MAN1C1: variants seen among roughly 807,000 people sequenced by gnomAD.
The protein encoded by MAN1C1 is mannosyl-oligosaccharide 1,2-alpha-mannosidase IC.
In MAN1C1, 49 loss-of-function variants were observed where a neutral mutation model predicts 71.5. The observed-to-expected ratio is 0.69, with a 90% CI of 0.54 to 0.87. The LOEUF (loss-of-function observed/expected upper bound fraction) is 0.87, where lower values mean the gene tolerates loss of function less well. MAN1C1 is among the 40% of genes least tolerant of loss of function. The pLI is 0.00. For synonymous variants in MAN1C1, 352 were observed against 343.7 expected (o/e 1.02, Z -0.27); for missense variants, 743 against 835.0 (o/e 0.89, Z 1.36).
At chr1:25,724,847 C>T (rs968826229) in intron 2 of MAN1C1, among the ~76,000 whole-genome samples, 1 of 152,150 alleles carries the variant, frequency 6.6e-6, no homozygotes, top group Non-Finnish European at 1.5e-5. Context: ...AGAAATGCTG[C>T]CCATCTCTAA....
intron 2 of MAN1C1, among the ~76,000 whole-genome samples, chr1:25,734,349 G>A (rs1224362199): frequency 6.6e-6 from 1 of 152,022 alleles, no homozygotes; most frequent in Non-Finnish European, 1.5e-5. Flanking sequence ...GGCTGGTCTC[G>A]AACTCCTGGC....
chr1:25,700,557 A>G (rs2046428281), intron 2 of MAN1C1, among the ~76,000 whole-genome samples: 1 of 152,342 alleles, frequency 6.6e-6, no homozygotes, highest in Non-Finnish European at 1.5e-5. Flanking sequence ...CGGAGAGAAG[A>G]CACAGGCCAT....
chr1:25,635,606 C>A (rs542858433), intron 1 of MAN1C1, among the ~76,000 whole-genome samples: 1 of 151,992 alleles, frequency 6.6e-6, no homozygotes, highest in African/African-American at 2.4e-5. Flanking sequence ...TGTGCCACCA[C>A]GCCTGGCTAA....
rs115966767 is a variant in MAN1C1, at chr1:25,734,245, C to T, written c.638-12423C>T. ...ATGGGTTCAAGCGATTCTCATGCCA[C>T]ACCCTCCTAAGTAGCTAGGACTACA... On this transcript the variant is annotated intron_variant, in intron 2 of 11. Coordinates refer to ENST00000374332, the MANE Select transcript of MAN1C1 (RefSeq NM_020379.4). Among the ~76,000 whole-genome samples the T allele has an allele frequency of 9.6e-3, 1,462 of 152,238 alleles. 16 individuals are homozygous for T. Among genetic ancestry groups the T allele is most frequent in the African/African-American group, 0.032 (1,347 of 41,510 alleles).
intron 1 of MAN1C1, among the ~76,000 whole-genome samples, chr1:25,632,809 A>G (rs1343070534): frequency 6.6e-6 from 1 of 151,056 alleles, no homozygotes; most frequent in African/African-American, 2.4e-5. Flanking sequence ...TTCCTTTTGG[A>G]GTTGATTTCT....
intron 2 of MAN1C1, among the ~76,000 whole-genome samples, chr1:25,703,563 C>A (rs998539971): frequency 6.6e-6 from 1 of 152,158 alleles, no homozygotes; most frequent in South Asian, 2.1e-4. Context: ...TGTCCGTAAT[C>A]CCAGCTACTC....
chr1:25,684,828 G>A (rs560709852), intron 1 of MAN1C1, among the ~76,000 whole-genome samples: 59 of 152,372 alleles, frequency 3.9e-4, no homozygotes, highest in Non-Finnish European at 4.9e-4. Context: ...CTGTCTGGGC[G>A]TGAGGTGAGT....
At position 25,618,344 on chromosome 1, in the gene MAN1C1, A is replaced by G; in HGVS notation, c.540+7A>G. The G allele has an allele frequency of 1.3e-6, 2 of 1,592,232 alleles. No individual in the cohort carries two copies. The highest frequency in any genetic ancestry group is 1.7e-6 in the Non-Finnish European group (2 of 1,172,190). On this transcript the variant is annotated splice_region_variant and intron_variant, in intron 1 of 11. Transcript: ENST00000374332. ...GCGGGAGAAAATCAAGGAGGTATGGACTCAGCCCCCAAACTCCTCCCACCA... is the reference window on the plus strand; with the variant it reads ...GCGGGAGAAAATCAAGGAGGTATGGGCTCAGCCCCCAAACTCCTCCCACCA...
In MAN1C1 at chr1:25,769,259, C is replaced by T. The variant is rs1228972895; in HGVS notation, c.1142-2398C>T. ...ACTACACACCACACTCCTTGACACA[C>T]ACACACTCTCCCTACACACACATCC... On this transcript the variant is annotated intron_variant, in intron 7 of 11. Coordinates refer to ENST00000374332, the MANE Select transcript of MAN1C1 (RefSeq NM_020379.4). This position sits in a 1 kb window ranked among gnomAD's most constrained non-coding sequence, Gnocchi z 4.8. 1.3e-5 allele frequency among the ~76,000 whole-genome samples: 2 copies of T among 150,922 alleles called. No individual in the cohort carries two copies. The highest frequency in any genetic ancestry group is 3.0e-5 in the Non-Finnish European group (2 of 67,662).
chr1:25,640,706 A>G (rs1345613481), intron 1 of MAN1C1, among the ~76,000 whole-genome samples: 8 of 152,180 alleles, frequency 5.3e-5, no homozygotes, highest in African/African-American at 9.7e-5. Flanking sequence ...GCAGTTTCAG[A>G]TACTGGCATT....
intron 1 of MAN1C1, among the ~76,000 whole-genome samples, chr1:25,670,570 C>T (rs1034059977): frequency 6.6e-6 from 1 of 152,214 alleles, no homozygotes; most frequent in Non-Finnish European, 1.5e-5. Flanking sequence ...GAGCCAGGCA[C>T]AGGGCAGCAG....
At chr1:25,717,483 AC>A in intron 2 of MAN1C1, among the ~76,000 whole-genome samples, 1 of 152,206 alleles carries the variant, frequency 6.6e-6, no homozygotes, top group East Asian at 1.9e-4. Context: ...TGATCATACT[AC>A]TGCGGTCCAA....
chr1:25,699,502 C>T (rs2046410398), intron 2 of MAN1C1, among the ~76,000 whole-genome samples: 1 of 151,972 alleles, frequency 6.6e-6, no homozygotes, highest in African/African-American at 2.4e-5. Flanking sequence ...TAAATGGGGT[C>T]ATAAATGCAG....
Position 25,626,435 on chromosome 1 carries a change from T to C in MAN1C1, c.540+8098T>C, listed in dbSNP as rs533311822. 5.9e-5 allele frequency among the ~76,000 whole-genome samples: 9 copies of C among 152,132 alleles called. No homozygotes were observed. In the South Asian group the frequency reaches 1.7e-3, roughly 28 times the overall value. Reference sequence around the variant, plus strand: ...GTGCAGTGGCACGATCTCAGCTCACTGCAAGCTCTGCCTCCTGGGTTCACG... The same window carrying C: ...GTGCAGTGGCACGATCTCAGCTCACCGCAAGCTCTGCCTCCTGGGTTCACG... On this transcript the variant is annotated intron_variant, in intron 1 of 11. Transcript: ENST00000374332.
intron 1 of MAN1C1, among the ~76,000 whole-genome samples, chr1:25,652,299 T>C (rs1324021423): frequency 3.3e-5 from 5 of 152,348 alleles, no homozygotes; most frequent in East Asian, 3.9e-4. Flanking sequence ...GCCTTCTTGG[T>C]TGCTGTTGGG....
At chr1:25,693,986 A>T (rs1234515568) in intron 2 of MAN1C1, among the ~76,000 whole-genome samples, 1 of 152,220 alleles carries the variant, frequency 6.6e-6, no homozygotes, top group Non-Finnish European at 1.5e-5. Flanking sequence ...TGTGATTATT[A>T]TGTTTGTAAA....
At chr1:25,758,868 A>C (rs943675613) in intron 6 of MAN1C1, 159 bp downstream of exon 6, 5 of 662,954 alleles carry the variant, frequency 7.5e-6, no homozygotes, top group Middle Eastern at 2.5e-4. Flanking sequence ...AATAGTAGCT[A>C]CCTATACCCC....
At position 25,735,554 on chromosome 1, in the gene MAN1C1, A is replaced by G. The variant is rs2046972668; in HGVS notation, c.638-11114A>G. 1.3e-5 allele frequency among the ~76,000 whole-genome samples: 2 copies of G among 152,196 alleles called. No homozygotes were observed. The highest frequency in any genetic ancestry group is 2.4e-5 in the African/African-American group (1 of 41,440). ...TGTATATGTGTATGTATATATGTAT[A>G]TATATGACATAGGACTGTAAGAACA... On this transcript the variant is annotated intron_variant, in intron 2 of 11. Coordinates refer to ENST00000374332, the MANE Select transcript of MAN1C1 (RefSeq NM_020379.4). The surrounding 1 kb of genome is among the most constrained non-coding windows in gnomAD (Gnocchi z 4.6).
chr1:25,617,607 C>T lies in MAN1C1; in HGVS notation c.-191C>T, dbSNP rs1020216201. 1.9e-5 allele frequency: 10 copies of T among 513,714 alleles called. No individual in the cohort carries two copies. The Admixed American group carries it at 4.0e-4, about 20-fold the overall frequency. The allele number at this position is 513,714 out of a possible 1,614,324, so 31.8% of individuals were successfully genotyped here. On this transcript the variant is annotated 5_prime_UTR_variant, in exon 1 of 12. Transcript: ENST00000374332. This position sits in a 1 kb window ranked among gnomAD's most constrained non-coding sequence, Gnocchi z 5.1. The stretch of plus-strand genomic sequence containing the variant: ...GCCGAGGCCGCTGCGCCCCCGCCTC[C>T]TCGCGGGAGGACTCGCTCCAAACTC...
Sources: allele counts gnomAD v4.1 joint callset (sites outside exome capture counted in the v4.1 genomes callset), GRCh38; gene constraint gnomAD v4.1.1; non-coding constraint Gnocchi (gnomAD v3.1); transcripts MANE v1.5; gene names NCBI Gene and HGNC (gene_info 2026-07-23, HGNC 2026-07-21).